The following NAV3 variants were observed in gnomAD, a reference collection of about 807,000 sequenced individuals.
NAV3 encodes neuron navigator 3.
A neutral mutation model predicts 244.7 loss-of-function variants in NAV3; 87 were observed. The ratio of observed to expected loss-of-function variants is 0.36; its 90% confidence interval spans 0.30 to 0.42. The LOEUF (loss-of-function observed/expected upper bound fraction) is 0.42, where lower values mean the gene tolerates loss of function less well. Ranked by LOEUF, NAV3 falls within the 20% of genes least tolerant of loss-of-function variation. The pLI is 1.00. For missense variants in NAV3, 2,663 were observed against 2,893.3 expected (o/e 0.92, Z 1.83); for synonymous variants, 1,126 against 1,042.2 (o/e 1.08, Z -1.55).
At chr12:77,748,034 AAAAAAT>A (rs901213892) in intron 2 of NAV3, among the ~76,000 whole-genome samples, 32 of 152,292 alleles carry the variant, frequency 2.1e-4, no homozygotes, top group Middle Eastern at 3.4e-3. Context: ...AAAGTATAAT[AAAAAAT>A]AAAAATAAAA....
chr12:77,947,505 T>C (rs112267316), intron 3 of NAV3: 3 of 151,614 alleles, frequency 2.0e-5, no homozygotes, highest in African/African-American at 7.2e-5. Flanking sequence ...TTTAATAAAA[T>C]CTTATATATG....
chr12:77,797,729 C>T (rs1406205863), intron 2 of NAV3, among the ~76,000 whole-genome samples: 2 of 150,722 alleles, frequency 1.3e-5, no homozygotes, highest in Non-Finnish European at 3.0e-5. Context: ...TAATCCCAGC[C>T]ACTCAAGAGA....
At chr12:78,011,968 G>A (rs1397627290) in intron 8 of NAV3, among the ~76,000 whole-genome samples, 1 of 152,012 alleles carries the variant, frequency 6.6e-6, no homozygotes, top group Non-Finnish European at 1.5e-5. Flanking sequence ...CTCACTATCA[G>A]GAGAACAGCA....
intron 1 of NAV3, among the ~76,000 whole-genome samples, chr12:77,940,072 G>T (rs1046991340): frequency 2.0e-5 from 3 of 152,170 alleles, no homozygotes; most frequent in African/African-American, 7.2e-5. Context: ...CCAGAGGGAA[G>T]TTTTGCTTTG....
chr12:77,679,308 A>G (rs2137108231), intron 2 of NAV3, among the ~76,000 whole-genome samples: 1 of 152,286 alleles, frequency 6.6e-6, no homozygotes, highest in African/African-American at 2.4e-5. Flanking sequence ...AGACATTATG[A>G]GAAGGTTTAA....
At chr12:77,685,363 T>A (rs1316912195) in intron 2 of NAV3, among the ~76,000 whole-genome samples, 1 of 152,122 alleles carries the variant, frequency 6.6e-6, no homozygotes, top group Non-Finnish European at 1.5e-5. Flanking sequence ...TCCAATGGCA[T>A]CATATCATGG....
At chr12:78,110,738 T>C (rs1375281) in intron 12 of NAV3, among the ~76,000 whole-genome samples, 93,011 of 151,694 alleles carry the variant, frequency 0.61, 28,728 homozygotes, top group Non-Finnish European at 0.65. Context: ...ATAATGTGTA[T>C]ATATAATGTT....
intron 1 of NAV3, among the ~76,000 whole-genome samples, chr12:77,852,887 G>A (rs1051771239): frequency 6.6e-6 from 1 of 152,044 alleles, no homozygotes; most frequent in African/African-American, 2.4e-5. Context: ...TTTAATGTGG[G>A]CATTTGGATA....
intron 2 of NAV3, among the ~76,000 whole-genome samples, chr12:77,614,327 C>G (rs1443087922): frequency 6.6e-6 from 1 of 151,850 alleles, no homozygotes; most frequent in Non-Finnish European, 1.5e-5. Context: ...GGAAAGGAAG[C>G]CTGGGCACAG....
intron 2 of NAV3, among the ~76,000 whole-genome samples, chr12:77,678,948 C>T (rs1874327500): frequency 6.6e-6 from 1 of 152,106 alleles, no homozygotes; most frequent in Admixed American, 6.6e-5. Context: ...TCTCATTATC[C>T]TTTGAAAGTC....
At chr12:77,987,780 A>G (rs964437955) in intron 5 of NAV3, among the ~76,000 whole-genome samples, 8 of 152,210 alleles carry the variant, frequency 5.3e-5, no homozygotes. Flanking sequence ...CGAGATATTC[A>G]GAGAGGGGAT....
intron 2 of NAV3, among the ~76,000 whole-genome samples, chr12:77,609,333 A>C (rs1870808593): frequency 6.6e-6 from 1 of 152,092 alleles, no homozygotes; most frequent in South Asian, 2.1e-4. Flanking sequence ...CTACAACTCC[A>C]GTAGTTCCAG....
Position 77,924,007 on chromosome 12 carries a change from G to A in NAV3, c.244-16312G>A, listed in dbSNP as rs146058190. Among the ~76,000 whole-genome samples the A allele has an allele frequency of 3.2e-4, 49 of 152,202 alleles. No individual in the cohort carries two copies. The East Asian group carries it at 8.1e-3, about 25-fold the overall frequency. On this transcript the variant is annotated intron_variant, in intron 1 of 39. Transcript: ENST00000397909. ...ACATAAGGGAGTTGTTCTCCTAAGG[G>A]TCTGGCTGCAAGGAGAATCTCTGTA...
chr12:77,632,475 T>A lies in NAV3; in HGVS notation c.72+60209T>A, dbSNP rs545107274. ...GATAGCTTGTGCAGGAGAACTCCTC[T>A]TTATAAAACCATCAGATCTAGTGAG... is the stretch of plus-strand genomic sequence containing the variant. On this transcript the variant is annotated intron_variant, in intron 2 of 8. Transcript: ENST00000550042. Among the ~76,000 whole-genome samples, 112 of 152,250 alleles carry A rather than the reference T, an allele frequency of 7.4e-4. 2 individuals are homozygous for A. In the South Asian group the frequency reaches 0.022, roughly 31 times the overall value.
At chr12:77,618,732 A>G (rs1214185013) in intron 2 of NAV3, among the ~76,000 whole-genome samples, 11 of 152,178 alleles carry the variant, frequency 7.2e-5, no homozygotes, top group Admixed American at 6.5e-4. Context: ...TATAGAATGT[A>G]TTCATTGATT....
upstream of NAV3, among the ~76,000 whole-genome samples, chr12:77,828,347 G>A (rs1190967847): frequency 6.6e-6 from 1 of 152,110 alleles, no homozygotes; most frequent in Non-Finnish European, 1.5e-5. Flanking sequence ...AGAACTGTAA[G>A]AAGCAAATCT....
chr12:77,677,236 TACTG>T (rs1421327685), intron 2 of NAV3, among the ~76,000 whole-genome samples: 1 of 152,236 alleles, frequency 6.6e-6, no homozygotes, highest in African/African-American at 2.4e-5. Flanking sequence ...TAATATGAAA[TACTG>T]AATGAATGCA....
chr12:77,855,560 T>C (rs1417764224), intron 1 of NAV3, among the ~76,000 whole-genome samples: 1 of 152,222 alleles, frequency 6.6e-6, no homozygotes, highest in Non-Finnish European at 1.5e-5. Context: ...TACAGAAGTG[T>C]ATTCACATCC....
intron 2 of NAV3, among the ~76,000 whole-genome samples, chr12:77,617,230 A>G (rs991522464): frequency 2.0e-5 from 3 of 152,216 alleles, no homozygotes; most frequent in Non-Finnish European, 2.9e-5. Context: ...TGATAACTGT[A>G]GTAGCCAGTC....
Sources: gnomAD v4.1 joint callset for allele counts (sites outside exome capture counted in the v4.1 genomes callset) on GRCh38, gnomAD v4.1.1 for gene constraint, MANE v1.5 for transcripts, NCBI Gene and HGNC (gene_info 2026-07-23, HGNC 2026-07-21) for gene names.